The following SLC26A5 variants were observed in gnomAD, a reference collection of about 807,000 sequenced individuals.
SLC26A5 encodes solute carrier family 26 member 5.
A neutral mutation model predicts 81.0 loss-of-function variants in SLC26A5; 51 were observed. The ratio of observed to expected loss-of-function variants is 0.63; its 90% CI spans 0.50 to 0.80. The LOEUF (loss-of-function observed/expected upper bound fraction) is 0.80. Among genes scored for constraint, SLC26A5 ranks in the 30% least tolerant of loss-of-function variants. The pLI is 0.00. For synonymous variants in SLC26A5, 325 were observed against 332.8 expected (o/e 0.98, Z 0.25); for missense variants, 771 against 905.8 (o/e 0.85, Z 1.91).
chr7:103,385,477 C>T (rs577382821), intron 14 of SLC26A5, among the ~76,000 whole-genome samples: 3 of 152,108 alleles, frequency 2.0e-5, no homozygotes, highest in East Asian at 3.9e-4. Flanking sequence ...TTCAAACAAA[C>T]GGCCAAACCC....
Position 103,367,520 on chromosome 7 carries a change from C to T in SLC26A5, c.2041+9288G>A, listed in dbSNP as rs1382041025. 1 of 1,614,086 alleles carries T rather than the reference C, an allele frequency of 6.2e-7. No individual in the cohort carries two copies. Among genetic ancestry groups the T allele is most frequent in the Admixed American group, 1.7e-5 (1 of 60,004 alleles). On this transcript the variant is annotated intron_variant, in intron 19 of 19. Transcript: ENST00000339444. This position sits in a 1 kb window ranked among gnomAD's most constrained non-coding sequence, Gnocchi z 6.1. ...TGATCCTAGAGGCAATATTAAAGTG[C>T]TGATGGCCACTAACAGACCTGATAC...
intron 9 of SLC26A5, among the ~76,000 whole-genome samples, chr7:103,394,521 T>TAAAC (rs757579836): frequency 2.6e-5 from 4 of 152,076 alleles, no homozygotes; most frequent in Non-Finnish European, 5.9e-5. Context: ...TTAAGGAAAG[T>TAAAC]AAACAAACAA....
chr7:103,415,604 G>A (rs927151843), intron 4 of SLC26A5, among the ~76,000 whole-genome samples: 3 of 152,262 alleles, frequency 2.0e-5, no homozygotes, highest in African/African-American at 7.2e-5. Flanking sequence ...ATCAGGTTGA[G>A]AAAACTCGTT....
At chr7:103,379,415 G>T (rs1448683721) in intron 15 of SLC26A5, 80 bp from the exon 16 acceptor site, 2 of 808,086 alleles carry the variant, frequency 2.5e-6, no homozygotes, top group East Asian at 3.3e-5. Flanking sequence ...ACCCCAAATA[G>T]AAAATGAATG....
At chr7:103,416,875 T>G (rs1328526660) in intron 4 of SLC26A5, among the ~76,000 whole-genome samples, 2 of 152,188 alleles carry the variant, frequency 1.3e-5, no homozygotes, top group Non-Finnish European at 2.9e-5. Flanking sequence ...CAAAATCTTT[T>G]TGGTAATTTA....
intron 19 of SLC26A5, among the ~76,000 whole-genome samples, chr7:103,356,984 C>T (rs1380253879): frequency 6.6e-6 from 1 of 152,094 alleles, no homozygotes; most frequent in Non-Finnish European, 1.5e-5. Context: ...TCTTTTCTCA[C>T]TTTTATTTAT....
intron 5 of SLC26A5, among the ~76,000 whole-genome samples, chr7:103,412,542 G>GTTTTTTT (rs1244758241): frequency 1.6e-4 from 20 of 121,644 alleles, no homozygotes; most frequent in African/African-American, 3.8e-4. Context: ...GAGGAGTGTA[G>GTTTTTTT]TTTTTTTTTT....
At chr7:103,364,274 T>C (rs1490293258) in intron 19 of SLC26A5, 2 of 1,614,120 alleles carry the variant, frequency 1.2e-6, no homozygotes, top group Admixed American at 1.7e-5. Context: ...TTCGAGTTAT[T>C]GGATCTGAGC....
downstream of SLC26A5, among the ~76,000 whole-genome samples, chr7:103,373,188 G>GAAT (rs1821127658): frequency 6.6e-6 from 1 of 152,128 alleles, no homozygotes; most frequent in Non-Finnish European, 1.5e-5. Flanking sequence ...AATGCCAAAG[G>GAAT]AATACCACAC....
At chr7:103,377,047 G>A (rs1317860558) in intron 18 of SLC26A5, among the ~76,000 whole-genome samples, 185 bp from the exon 19 acceptor site, 2 of 152,150 alleles carry the variant, frequency 1.3e-5, no homozygotes, top group African/African-American at 4.8e-5. Context: ...TGCTTTTTAT[G>A]TGGACAGTGA....
intron 8 of SLC26A5, among the ~76,000 whole-genome samples, chr7:103,401,498 T>A (rs1399307313): frequency 1.3e-5 from 2 of 152,212 alleles, no homozygotes; most frequent in Non-Finnish European, 2.9e-5. Flanking sequence ...TAAAATAATG[T>A]CACCTGCAAA....
At position 103,374,419 on chromosome 7, in the gene SLC26A5, G is replaced by A. The variant is rs1304842493; in HGVS notation, c.2215C>T (p.Pro739Ser). ...CTCATCTATGCCTCAGGAGTGGCAG[G>A]AGTGGCATTGGGCTCCAAGTCCTCC... ...SQEDLEPNAT[P>S]ATPEA The change falls in exon 20 of 20, where the codon CCT becomes TCT. Residue 739 changes from proline (P) to serine (S), a missense_variant. Coordinates refer to ENST00000306312, the MANE Select transcript of SLC26A5 (RefSeq NM_198999.3). The A allele has an allele frequency of 6.2e-7, 1 of 1,612,420 alleles. No individual in the cohort carries two copies.
chr7:103,386,298 T>C (rs2116433671), intron 14 of SLC26A5, among the ~76,000 whole-genome samples: 1 of 151,470 alleles, frequency 6.6e-6, no homozygotes, highest in South Asian at 2.1e-4. Flanking sequence ...CCGGGCACGA[T>C]GGCTCATGCC....
intron 19 of SLC26A5, among the ~76,000 whole-genome samples, chr7:103,360,380 T>A (rs1237078933): frequency 1.3e-5 from 2 of 152,126 alleles, no homozygotes; most frequent in Non-Finnish European, 2.9e-5. Context: ...TGGTAGAGAA[T>A]GGGTATAATT....
At chr7:103,355,807 C>T (rs372193601) in intron 19 of SLC26A5, 81 of 1,573,828 alleles carry the variant, frequency 5.1e-5, no homozygotes, top group South Asian at 6.7e-5. Flanking sequence ...TGCACGGGTG[C>T]TCTGTGGCAA....
chr7:103,353,924 T>C, intron 19 of SLC26A5: 4 of 1,604,078 alleles, frequency 2.5e-6, no homozygotes, highest in Non-Finnish European at 3.4e-6. Context: ...CTTTCAGCTC[T>C]GGATGAGGGG....
At chr7:103,381,658 C>T (rs1821802016) in intron 14 of SLC26A5, among the ~76,000 whole-genome samples, 1 of 151,174 alleles carries the variant, frequency 6.6e-6, no homozygotes, top group Non-Finnish European at 1.5e-5. Context: ...TATATGCACA[C>T]ACTACACACA....
chr7:103,362,463 CCCT>C (rs1820466619), intron 19 of SLC26A5: 2 of 1,379,344 alleles, frequency 1.4e-6, no homozygotes, highest in Non-Finnish European at 9.3e-7. Context: ...AATCTCCCCT[CCCT>C]CCTCAAAGGT....
At chr7:103,410,271 G>A in intron 7 of SLC26A5, 114 bp downstream of exon 7, 1 of 923,664 alleles carries the variant, frequency 1.1e-6, no homozygotes, top group Non-Finnish European at 1.7e-6. Flanking sequence ...CCCTTTTTAT[G>A]GAAATTACTG....
Sources: allele counts gnomAD v4.1 joint callset (sites outside exome capture counted in the v4.1 genomes callset), GRCh38; gene constraint gnomAD v4.1.1; non-coding constraint Gnocchi (gnomAD v3.1); transcripts MANE v1.5; gene names NCBI Gene and HGNC (gene_info 2026-07-23, HGNC 2026-07-21).